Variants in WDR93 observed in about 807,000 individuals in gnomAD.
The protein encoded by WDR93 is WD repeat domain 93.
In WDR93, 73 loss-of-function variants were observed where a neutral mutation model predicts 82.9. That is an observed-to-expected ratio of 0.88 (90% CI 0.73 to 1.07). WDR93 has a LOEUF of 1.07. Ranked by LOEUF, WDR93 falls within the 50% of genes least tolerant of loss-of-function variation. The pLI is 0.00. For missense variants in WDR93, 738 were observed against 826.0 expected, an observed-to-expected ratio of 0.89 and a Z score of 1.31; for synonymous variants, 283 against 300.1, an observed-to-expected ratio of 0.94 and a Z score of 0.59.
intron 4 of WDR93, among the ~76,000 whole-genome samples, chr15:89,708,437 T>C (rs8028612): frequency 0.63 from 95,910 of 151,698 alleles, 31,241 homozygotes; most frequent in African/African-American, 0.69. Flanking sequence ...CGCAGCTGGC[T>C]CTAGTCACCA....
intron 1 of WDR93, among the ~76,000 whole-genome samples, chr15:89,700,882 A>C (rs1965427235): frequency 6.6e-6 from 1 of 152,072 alleles, no homozygotes; most frequent in Admixed American, 6.6e-5. Context: ...TCTGAAGTAA[A>C]GATTACTTGT....
intron 16 of WDR93, among the ~76,000 whole-genome samples, chr15:89,742,914 G>T (rs1467453793): frequency 6.6e-6 from 1 of 152,196 alleles, no homozygotes. Context: ...TTTGTGACTG[G>T]CATATTTCAG....
intron 14 of WDR93, 118 bp from the exon 15 acceptor site, chr15:89,737,455 C>G (rs926927925): frequency 5.9e-6 from 8 of 1,360,570 alleles, no homozygotes; most frequent in Non-Finnish European, 8.1e-6. Flanking sequence ...AGGCTGGGGC[C>G]CAAGAGGTTT....
chr15:89,726,138 A>G (rs1019284628), intron 8 of WDR93, among the ~76,000 whole-genome samples: 1 of 152,188 alleles, frequency 6.6e-6, no homozygotes, highest in African/African-American at 2.4e-5. Context: ...CATTTGGAGA[A>G]CTCATTAAAA....
chr15:89,738,634 A>T (rs2141720547), intron 16 of WDR93, among the ~76,000 whole-genome samples: 1 of 151,668 alleles, frequency 6.6e-6, no homozygotes, highest in Non-Finnish European at 1.5e-5. Context: ...CCCAAAAAAA[A>T]AAAAAAAAAA....
chr15:89,737,529 C>G (rs1967300277), intron 14 of WDR93, 44 bp from the exon 15 acceptor site: 7 of 1,612,076 alleles, frequency 4.3e-6, no homozygotes, highest in Middle Eastern at 1.7e-4. Flanking sequence ...CTGTGAGGGA[C>G]AGAGTCCAGT....
chr15:89,710,093 G>A (rs1965904801), intron 4 of WDR93, among the ~76,000 whole-genome samples: 2 of 152,228 alleles, frequency 1.3e-5, no homozygotes, highest in Non-Finnish European at 2.9e-5. Context: ...CCAGGAGGCG[G>A]AGATTGCAGT....
chr15:89,715,125 T>C lies in WDR93; in HGVS notation c.756+30T>C, dbSNP rs373231804. On this transcript the variant is annotated intron_variant, in intron 6 of 16. Transcript: ENST00000268130. ...GAAATATCTCTGCTTTCAGCTGATATGTTTCTCCCTACCCCTGACCCACAT... is the reference window on the plus strand; with the variant it reads ...GAAATATCTCTGCTTTCAGCTGATACGTTTCTCCCTACCCCTGACCCACAT... 2.1e-5 allele frequency: 33 copies of C among 1,594,436 alleles called. No individual in the cohort carries two copies. The African/African-American group carries it at 2.1e-4, about 10-fold the overall frequency.
rs1464306865 is a variant in WDR93, at chr15:89,738,130, G to A, written c.1855G>A (p.Glu619Lys). ...TAATTTTGAGGCCTGCCCACTCCTG[G>A]AAAATATCTCAAAAAATTGTACCAT... ...YFNFEACPLLENISKNCTIPQ... is the reference protein window; with the variant it reads ...YFNFEACPLLKNISKNCTIPQ... The change falls in exon 16 of 17, where the codon GAA becomes AAA. Residue 619 changes from glutamate to lysine, a missense_variant. Transcript: ENST00000268130. The A allele has an allele frequency of 1.2e-6, 2 of 1,614,172 alleles. No homozygotes were observed. Among genetic ancestry groups the A allele is most frequent in the South Asian group, 1.1e-5 (1 of 91,072 alleles).
rs116713801 is a variant in WDR93 at position 89,694,642 on chromosome 15, T to C, written c.-41+3785T>C. On this transcript the variant is annotated intron_variant, in intron 1 of 16. Coordinates refer to ENST00000268130, the MANE Select transcript of WDR93 (RefSeq NM_020212.2). ...ATATATTTTCTCCCCATCTGAGGAT[T>C]ACCTTTTATTCTCTTAACAGTGTGT... 9.1e-3 allele frequency among the ~76,000 whole-genome samples: 1,386 copies of C among 152,378 alleles called. 22 individuals are homozygous for C. The highest frequency in any genetic ancestry group is 0.037 in the Middle Eastern group (11 of 294).
intron 10 of WDR93, 23 bp downstream of exon 10, chr15:89,729,116 G>C: frequency 6.2e-7 from 1 of 1,610,632 alleles, no homozygotes; most frequent in African/African-American, 1.3e-5. Context: ...GAAGTGGGTG[G>C]TTGTCCTAGC....
chr15:89,738,313 T>C, intron 16 of WDR93, 77 bp downstream of exon 16: 4 of 1,457,564 alleles, frequency 2.7e-6, no homozygotes, highest in Admixed American at 4.7e-5. Flanking sequence ...GTTTCTTTCA[T>C]GGTAAATCCT....
chr15:89,737,046 C>T (rs1967253491), intron 14 of WDR93, among the ~76,000 whole-genome samples: 1 of 152,192 alleles, frequency 6.6e-6, no homozygotes, highest in Non-Finnish European at 1.5e-5. Context: ...CCACCTTGGC[C>T]TCCCAAAGTG....
intron 16 of WDR93, among the ~76,000 whole-genome samples, chr15:89,741,998 G>T (rs981441198): frequency 6.6e-6 from 1 of 152,142 alleles, no homozygotes; most frequent in African/African-American, 2.4e-5. Context: ...TGATCCACCC[G>T]CCTTGGCCTC....
At chr15:89,725,546 C>CTT (rs35770679) in intron 8 of WDR93, among the ~76,000 whole-genome samples, 29 of 144,980 alleles carry the variant, frequency 2.0e-4, no homozygotes, top group African/African-American at 5.4e-4. Flanking sequence ...TGTTCTATTT[C>CTT]TTTTTTTTTT....
At chr15:89,737,846 C>T (rs1967334055) in intron 15 of WDR93, 117 bp downstream of exon 15, 1 of 1,448,330 alleles carries the variant, frequency 6.9e-7, no homozygotes. Context: ...TACCATAGGC[C>T]AAAGGGTACC....
intron 12 of WDR93, among the ~76,000 whole-genome samples, chr15:89,731,871 C>T (rs1966862950): frequency 6.6e-6 from 1 of 152,170 alleles, no homozygotes; most frequent in South Asian, 2.1e-4. Context: ...ATGTCTGGCA[C>T]AGTACAAGTG....
chr15:89,690,701 C>A (rs574363078), upstream of WDR93: 2 of 1,175,610 alleles, frequency 1.7e-6, no homozygotes, highest in East Asian at 5.1e-5. Context: ...CGTCGGATCC[C>A]CAGGGAACGG....
chr15:89,706,484 A>G lies in WDR93; in HGVS notation c.561+866A>G, dbSNP rs370983873. Among the ~76,000 whole-genome samples the G allele has an allele frequency of 3.9e-5, 6 of 152,216 alleles. No individual in the cohort carries two copies. In the East Asian group the frequency reaches 1.2e-3, roughly 29 times the overall value. On this transcript the variant is annotated intron_variant, in intron 4 of 16. Transcript: ENST00000268130. ...TATTATAATTTGTCTTCTAAGAAAT[A>G]CTATTGATGGGCACCAAGGCAATTC...
Sources: allele counts gnomAD v4.1 joint callset (sites outside exome capture counted in the v4.1 genomes callset), GRCh38; gene constraint gnomAD v4.1.1; transcripts MANE v1.5; gene names NCBI Gene and HGNC (gene_info 2026-07-23, HGNC 2026-07-21).